NKD1: variants seen among roughly 807,000 people sequenced by gnomAD.
The protein encoded by NKD1 is NKD inhibitor of Wnt signaling pathway 1.
NKD1 carries 21 observed loss-of-function variants against 56.0 expected under a neutral mutation model. That is an observed-to-expected ratio of 0.38 (90% confidence interval 0.27 to 0.54). NKD1 has a LOEUF of 0.54. NKD1 is among the 20% of genes least tolerant of loss of function. The pLI is 0.82. For missense variants in NKD1, 578 were observed against 642.7 expected (o/e 0.90, Z 1.09); for synonymous variants, 263 against 265.7 (o/e 0.99, Z 0.10).
chr16:50,575,704 C>T (rs1199371727), intron 3 of NKD1, among the ~76,000 whole-genome samples: 1 of 152,168 alleles, frequency 6.6e-6, no homozygotes, highest in Non-Finnish European at 1.5e-5. Flanking sequence ...AATTAATTGC[C>T]AAACTTTAAA....
intron 4 of NKD1, among the ~76,000 whole-genome samples, chr16:50,609,092 T>C (rs1430645052): frequency 6.6e-6 from 1 of 152,256 alleles, no homozygotes; most frequent in Non-Finnish European, 1.5e-5. Context: ...CCCAAAGTGC[T>C]GGGGTTACAG....
At position 50,598,488 on chromosome 16, in the gene NKD1, A is replaced by G. The variant is rs1961525732; in HGVS notation, c.193-9806A>G. On this transcript the variant is annotated intron_variant, in intron 3 of 9. Coordinates refer to ENST00000268459, the MANE Select transcript of NKD1 (RefSeq NM_033119.5). The surrounding 1 kb of genome is among the most constrained non-coding windows in gnomAD (Gnocchi z 4.2). ...TCCTTTCCCCACAGTGAGGTGGCCT[A>G]TGGCTATGGGGCACCCTTCCTTGGG... is the stretch of plus-strand genomic sequence containing the variant. 6.6e-6 allele frequency among the ~76,000 whole-genome samples: 1 copy of G among 152,100 alleles called. No homozygotes were observed. The highest frequency in any genetic ancestry group is 1.5e-5 in the Non-Finnish European group (1 of 68,020).
chr16:50,611,517 C>T (rs1030882675), intron 4 of NKD1, among the ~76,000 whole-genome samples: 3 of 152,200 alleles, frequency 2.0e-5, no homozygotes, highest in East Asian at 1.9e-4. Context: ...TGTGGCAGCC[C>T]GTGGGGTGGT....
Position 50,634,651 on chromosome 16 carries a change from G to A in NKD1, c.*870G>A, listed in dbSNP as rs904419760. Reference sequence around the variant, plus strand: ...TACGTACCTACACGGTTCTCTAACAGAGCTTTCTGTATCTATAGATAGATG... The same window carrying A: ...TACGTACCTACACGGTTCTCTAACAAAGCTTTCTGTATCTATAGATAGATG... On this transcript the variant is annotated 3_prime_UTR_variant, in exon 10 of 10. Coordinates refer to ENST00000268459, the MANE Select transcript of NKD1 (RefSeq NM_033119.5). 1.3e-5 allele frequency: 2 copies of A among 152,354 alleles called. No homozygotes were observed. The highest frequency in any genetic ancestry group is 4.8e-5 in the African/African-American group (2 of 41,458). 9.4% of individuals were successfully genotyped at this position (152,354 alleles called of 1,614,324 possible). A position where few individuals can be genotyped will look rare whatever the true frequency, so the allele number is the denominator to read the frequency against.
At chr16:50,564,690 G>T (rs1317688723) in intron 3 of NKD1, among the ~76,000 whole-genome samples, 1 of 152,162 alleles carries the variant, frequency 6.6e-6, no homozygotes, top group Non-Finnish European at 1.5e-5. Context: ...GAGAGGCAGG[G>T]ATTCTGTTCT....
At chr16:50,564,362 C>T (rs1041876759) in intron 3 of NKD1, among the ~76,000 whole-genome samples, 2 of 152,248 alleles carry the variant, frequency 1.3e-5, no homozygotes, top group African/African-American at 2.4e-5. Flanking sequence ...GGTAAACTCC[C>T]TGCTGAGTTG....
intron 3 of NKD1, among the ~76,000 whole-genome samples, chr16:50,595,247 C>G (rs1961448905): frequency 6.6e-6 from 1 of 152,156 alleles, no homozygotes; most frequent in African/African-American, 2.4e-5. Flanking sequence ...AAGTCCTGTC[C>G]CTTTTTGAGC....
chr16:50,548,681 T>TGCCGCCGCC (rs544250205), intron 1 of NKD1, 36 bp from the exon 2 acceptor site: 52 of 1,460,700 alleles, frequency 3.6e-5, no homozygotes, highest in Non-Finnish European at 4.4e-5. Context: ...CCGCCGCGGC[T>TGCCGCCGCC]GCCGCCGCCG....
Position 50,645,200 on chromosome 16 carries a change from A to G in NKD1, c.*11419A>G, listed in dbSNP as rs1962652929. 6.6e-6 allele frequency: 1 copy of G among 152,284 alleles called. No individual in the cohort carries two copies. Among genetic ancestry groups the G allele is most frequent in the African/African-American group, 2.4e-5 (1 of 41,452 alleles). The allele number at this position is 152,284 out of a possible 1,614,324, so 9.4% of individuals were successfully genotyped here. A position where few individuals can be genotyped will look rare whatever the true frequency, so the allele number is the denominator to read the frequency against. ...CTCTACCTACCTTTGTGGAGCTTTA[A>G]TCTAGTGTGGGGGACGGGGGGACTG... On this transcript the variant is annotated 3_prime_UTR_variant, in exon 10 of 10. Coordinates refer to ENST00000268459, the MANE Select transcript of NKD1 (RefSeq NM_033119.5).
chr16:50,617,270 GCTCT>G (rs988357479), intron 4 of NKD1, among the ~76,000 whole-genome samples: 1 of 152,076 alleles, frequency 6.6e-6, no homozygotes, highest in Non-Finnish European at 1.5e-5. Context: ...TTCTTCTTTC[GCTCT>G]CTCTTCCTCC....
At chr16:50,618,490 G>C (rs1439313932) in intron 4 of NKD1, among the ~76,000 whole-genome samples, 4 of 152,202 alleles carry the variant, frequency 2.6e-5, no homozygotes, top group African/African-American at 9.7e-5. Flanking sequence ...GGCTGGCTGG[G>C]GGCTGTGGTG....
intron 3 of NKD1, chr16:50,574,250 G>T (rs1960944930): frequency 1.0e-6 from 1 of 985,282 alleles, no homozygotes; most frequent in Non-Finnish European, 1.2e-6. Flanking sequence ...CCCTTGTCTT[G>T]CCCAACCTCC....
intron 5 of NKD1, 30 bp downstream of exon 5, chr16:50,621,738 G>A: frequency 6.4e-7 from 1 of 1,552,044 alleles, no homozygotes; most frequent in South Asian, 1.1e-5. Context: ...TGGGTCCTGA[G>A]GAGATGAGAT....
At chr16:50,587,956 G>A (rs763410955) in intron 3 of NKD1, among the ~76,000 whole-genome samples, 10 of 152,266 alleles carry the variant, frequency 6.6e-5, no homozygotes, top group South Asian at 2.1e-4. Flanking sequence ...ACCGTCTGCC[G>A]ACCCCTCTCC....
Position 50,644,333 on chromosome 16 carries a change from A to G in NKD1, c.*10552A>G, listed in dbSNP as rs1041518920. 2.0e-5 allele frequency: 3 copies of G among 152,230 alleles called. No homozygotes were observed. Among genetic ancestry groups the G allele is most frequent in the African/African-American group, 2.4e-5 (1 of 41,466 alleles). The allele number at this position is 152,230 out of a possible 1,614,324, so 9.4% of individuals were successfully genotyped here. A position where few individuals can be genotyped will look rare whatever the true frequency, so the allele number is the denominator to read the frequency against. On this transcript the variant is annotated 3_prime_UTR_variant, in exon 10 of 10. Transcript: ENST00000268459. ...CCCAGCAAAGACAGGTGCTTGTTCA[A>G]TGTCTGTTGAGCGACTGAAGGACAA...
At chr16:50,568,453 A>G (rs188024070) in intron 3 of NKD1, among the ~76,000 whole-genome samples, 2 of 152,336 alleles carry the variant, frequency 1.3e-5, no homozygotes, top group African/African-American at 4.8e-5. Context: ...ACTGGGGATA[A>G]CAGCAGGACC....
chr16:50,622,232 G>A (rs952525322), intron 5 of NKD1, among the ~76,000 whole-genome samples: 6 of 152,214 alleles, frequency 3.9e-5, no homozygotes, highest in African/African-American at 9.7e-5. Context: ...TAGCAGCTGT[G>A]GGCAGAGGTT....
At chr16:50,586,102 G>A (rs188952017) in intron 3 of NKD1, among the ~76,000 whole-genome samples, 14 of 152,204 alleles carry the variant, frequency 9.2e-5, no homozygotes, top group Admixed American at 8.5e-4. Flanking sequence ...GTTTGACCCC[G>A]GTGGTCAGAC....
At chr16:50,599,769 G>GCC (rs1050121789) in intron 3 of NKD1, among the ~76,000 whole-genome samples, 2 of 152,188 alleles carry the variant, frequency 1.3e-5, no homozygotes, top group African/African-American at 4.8e-5. Context: ...CCCACCCCGT[G>GCC]CCCTGCCTGG....
Sources: allele counts gnomAD v4.1 joint callset (sites outside exome capture counted in the v4.1 genomes callset), GRCh38; gene constraint gnomAD v4.1.1; non-coding constraint Gnocchi (gnomAD v3.1); transcripts MANE v1.5; gene names NCBI Gene and HGNC (gene_info 2026-07-23, HGNC 2026-07-21).